GREB1: variants seen among roughly 807,000 people sequenced by gnomAD.
GREB1 encodes protein GREB1.
GREB1 carries 106 observed loss-of-function variants against 200.7 expected under a neutral mutation model. That is an observed-to-expected ratio of 0.53 (90% confidence interval 0.45 to 0.62). The LOEUF is 0.62. Ranked by LOEUF, GREB1 falls within the 20% of genes least tolerant of loss-of-function variation. GREB1 has a pLI of 0.00. For missense variants in GREB1, 2,243 were observed against 2,556.8 expected (o/e 0.88, Z 2.65); for synonymous variants, 1,132 against 1,092.4 (o/e 1.04, Z -0.72).
Position 11,631,960 on chromosome 2 carries a change from G to A in GREB1, c.4663G>A (p.Glu1555Lys), listed in dbSNP as rs756448282. The change falls in exon 27 of 33, where the codon GAA (glutamate) becomes AAA (lysine). Residue 1555 changes from glutamate (E) to lysine (K), a missense_variant. Around this residue, in one of 3 missense-constraint regions of GREB1, gnomAD observed 478 missense variants for 616.3 expected, o/e 0.78. Transcript: ENST00000381486. Reference sequence around the variant, plus strand: ...ATTCACTCCAACCACCGGCCGTCACGAACATGGGCTCTTTAATCTGTACCA... The same window carrying A: ...ATTCACTCCAACCACCGGCCGTCACAAACATGGGCTCTTTAATCTGTACCA... ...PTFTPTTGRH[E>K]HGLFNLYHAM... is the part of the protein sequence containing the mutation. 1.2e-6 allele frequency: 2 copies of A among 1,614,098 alleles called. No homozygotes were observed. The highest frequency in any genetic ancestry group is 2.2e-5 in the East Asian group (1 of 44,886).
chr2:11,558,635 C>G (rs1339317470), intron 2 of GREB1, among the ~76,000 whole-genome samples: 1 of 152,186 alleles, frequency 6.6e-6, no homozygotes, highest in African/African-American at 2.4e-5. Flanking sequence ...AAGAGACAGA[C>G]TCTTTTTGGT....
At chr2:11,602,293 G>A in intron 16 of GREB1, 113 bp from the exon 17 acceptor site, 1 of 857,014 alleles carries the variant, frequency 1.2e-6, no homozygotes, top group Non-Finnish European at 2.0e-6. Context: ...CTGCACAGTG[G>A]GCACGATTTG....
Position 11,556,625 on chromosome 2 carries a change from C to T in GREB1, c.11C>T (p.Ser4Phe), listed in dbSNP as rs774958802. MGN[S>F]YAGQLKTTRF... is the part of the protein sequence containing the mutation. ...TCCATCCTCTTGAAGATGGGAAATT[C>T]TTACGCTGGACAGCTGAAGACGACA... The change falls in exon 2 of 33, where the codon TCT becomes TTT. Residue 4 changes from serine to phenylalanine, a missense_variant. Transcript: ENST00000381486. The T allele has an allele frequency of 1.9e-6, 3 of 1,610,472 alleles. No homozygotes were observed. The highest frequency in any genetic ancestry group is 2.2e-5 in the South Asian group (2 of 90,170).
Position 11,618,521 on chromosome 2 carries a change from A to G in GREB1, c.3646A>G (p.Thr1216Ala), listed in dbSNP as rs372908920. The change falls in exon 22 of 33, where the codon ACC (threonine) becomes GCC (alanine). Residue 1216 changes from threonine to alanine, a missense_variant. Coordinates refer to ENST00000381486, the MANE Select transcript of GREB1 (RefSeq NM_014668.4). ...TGQRSVQVSV[T>A]SSCSQLSSSS... ...CCAGAGGAGCGTCCAGGTGTCGGTC[A>G]CCTCGTCGTGCTCCCAGCTGTCCTC... The G allele has an allele frequency of 7.4e-5, 119 of 1,611,908 alleles. No individual in the cohort carries two copies. Among genetic ancestry groups the G allele is most frequent in the Non-Finnish European group, 9.8e-5 (116 of 1,179,654 alleles).
intron 2 of GREB1, 107 bp from the exon 3 acceptor site, chr2:11,562,356 G>T (rs1389336279): frequency 6.8e-7 from 1 of 1,480,036 alleles, no homozygotes. Flanking sequence ...AGTCCCATAG[G>T]TCCTGGGCTT....
intron 17 of GREB1, among the ~76,000 whole-genome samples, chr2:11,605,528 A>G (rs929069636): frequency 6.6e-6 from 1 of 152,130 alleles, no homozygotes; most frequent in Non-Finnish European, 1.5e-5. Context: ...CCGGCTGTGC[A>G]TATTTAAAGT....
At chr2:11,595,518 C>T (rs914785192) in intron 12 of GREB1, 139 bp downstream of exon 12, 4 of 774,130 alleles carry the variant, frequency 5.2e-6, no homozygotes, top group Non-Finnish European at 8.2e-6. Flanking sequence ...ATTCTGTGCA[C>T]TTGCACTTCT....
Position 11,625,176 on chromosome 2 carries a change from G to A in GREB1, c.4170G>A (p.Trp1390Ter). 6.2e-7 allele frequency: 1 copy of A among 1,613,798 alleles called. No individual in the cohort carries two copies. Residue 1390 changes from tryptophan (W) to a stop codon, truncating the protein, a stop_gained, in exon 24 of 33, where the codon TGG (tryptophan) becomes TGA (stop). Coordinates refer to ENST00000381486, the MANE Select transcript of GREB1 (RefSeq NM_014668.4). LOFTEE classifies it high-confidence loss of function. ...TAGACCTCAGAGAAGAATCTGACTG[G>A]CATTATCTCCAGCTTAGCGACCCCT... is the stretch of plus-strand genomic sequence containing the variant. ...ININLREESD[W>*]HYLQLSDPWP...
rs757557245 is a variant in GREB1 at position 11,597,882 on chromosome 2, C to A, written c.2056C>A (p.Leu686Met). The A allele has an allele frequency of 3.1e-6, 5 of 1,614,158 alleles. No individual in the cohort carries two copies. The South Asian group carries it at 5.5e-5, about 18-fold the overall frequency. Residue 686 changes from leucine to methionine, a missense_variant, in exon 14 of 33, where the codon CTG becomes ATG. This residue lies in a region of GREB1 where 1,178 missense variants were observed against 1,387.4 expected (regional missense o/e 0.85). Transcript: ENST00000381486. This position sits in a 1 kb window ranked among gnomAD's most constrained non-coding sequence, Gnocchi z 4.1. ...CATTGCGGATTCCAGCACCCAAAAT[C>A]TGGACCTGGGATCCTTTGAGAAGGT... ...CSIADSSTQN[L>M]DLGSFEKVDF... is the part of the protein sequence containing the mutation.
intron 24 of GREB1, among the ~76,000 whole-genome samples, chr2:11,626,279 G>A (rs116583683): frequency 0.017 from 2,561 of 151,924 alleles, 43 homozygotes; most frequent in Admixed American, 0.028. Context: ...AATCTTAATC[G>A]GCGAGGTCAT....
chr2:11,517,555 G>A (rs186466508), intron 1 of GREB1: 5 of 152,106 alleles, frequency 3.3e-5, no homozygotes, highest in African/African-American at 9.6e-5. Context: ...GATGTTAGCT[G>A]TGGGAACAGG....
intron 1 of GREB1, among the ~76,000 whole-genome samples, chr2:11,549,649 A>G (rs993301968): frequency 6.6e-6 from 1 of 152,192 alleles, no homozygotes; most frequent in Non-Finnish European, 1.5e-5. Flanking sequence ...CCCTTCTAGT[A>G]AAGTTTAAAT....
chr2:11,497,700 A>C (rs1672924490), intron 1 of GREB1, among the ~76,000 whole-genome samples: 1 of 152,026 alleles, frequency 6.6e-6, no homozygotes, highest in African/African-American at 2.4e-5. Context: ...TTGTGGTTTT[A>C]ATTTGTATTT....
chr2:11,636,652 T>G (rs1685336086), intron 30 of GREB1, among the ~76,000 whole-genome samples: 1 of 152,040 alleles, frequency 6.6e-6, no homozygotes, highest in Admixed American at 6.6e-5. Context: ...CCTGAGTCTG[T>G]GGGAGTCCCC....
At chr2:11,574,608 A>G (rs1678654398) in intron 4 of GREB1, among the ~76,000 whole-genome samples, 1 of 152,210 alleles carries the variant, frequency 6.6e-6, no homozygotes, top group African/African-American at 2.4e-5. Context: ...GCAGCCTCGG[A>G]TGCCAGGCCT....
chr2:11,573,551 T>C (rs147168614), intron 4 of GREB1, among the ~76,000 whole-genome samples: 1 of 152,318 alleles, frequency 6.6e-6, no homozygotes, highest in African/African-American at 2.4e-5. Context: ...TTCCCATACC[T>C]TCTTGGAGGG....
chr2:11,632,142 G>A, intron 27 of GREB1, 29 bp downstream of exon 27: 1 of 1,498,694 alleles, frequency 6.7e-7, no homozygotes, highest in South Asian at 1.1e-5. Flanking sequence ...CATCTACTCA[G>A]TCAAACTCCT....
upstream of GREB1, among the ~76,000 whole-genome samples, chr2:11,531,232 G>A (rs1558504776): frequency 6.6e-6 from 1 of 152,150 alleles, no homozygotes; most frequent in Non-Finnish European, 1.5e-5. Context: ...ACGCATACAA[G>A]CAGATGTTGA....
chr2:11,635,230 T>C (rs1368608172), intron 29 of GREB1, 40 bp from the exon 30 acceptor site: 3 of 1,612,920 alleles, frequency 1.9e-6, no homozygotes, highest in South Asian at 2.2e-5. Context: ...GGGTGTGAGC[T>C]GTGCCCCATC....
Sources: allele counts gnomAD v4.1 joint callset (sites outside exome capture counted in the v4.1 genomes callset), GRCh38; gene constraint gnomAD v4.1.1; regional missense constraint gnomAD v4.1.1; non-coding constraint Gnocchi (gnomAD v3.1); transcripts MANE v1.5; gene names NCBI Gene and HGNC (gene_info 2026-07-23, HGNC 2026-07-21).